Variants in SDK1 observed in about 807,000 individuals in gnomAD.
The protein encoded by SDK1 is protein sidekick-1.
In SDK1, 157 loss-of-function variants were observed where a neutral mutation model predicts 245.5. That is an observed-to-expected ratio of 0.64 (90% CI 0.56 to 0.73). SDK1 has a LOEUF of 0.73. Ranked by LOEUF, SDK1 falls within the 30% of genes least tolerant of loss-of-function variation. The probability of loss-of-function intolerance (pLI) is 0.00; values close to 1 mark genes in which losing one functional copy is unlikely to be tolerated. For missense variants in SDK1, 3,583 were observed against 3,002.3 expected, an observed-to-expected ratio of 1.19 and a Z score of -4.52; for synonymous variants, 1,647 against 1,278.5, an observed-to-expected ratio of 1.29 and a Z score of -6.15.
intron 4 of SDK1, among the ~76,000 whole-genome samples, chr7:3,734,455 A>G (rs759135204): frequency 6.6e-6 from 1 of 152,170 alleles, no homozygotes; most frequent in Non-Finnish European, 1.5e-5. Flanking sequence ...CCACTTATAG[A>G]TGGTGTTAAG....
intron 1 of SDK1, among the ~76,000 whole-genome samples, chr7:3,452,946 C>G (rs1044985125): frequency 3.3e-5 from 5 of 152,106 alleles, no homozygotes; most frequent in African/African-American, 1.2e-4. Flanking sequence ...AATCAGTTAC[C>G]CTATTCCACC....
chr7:3,484,831 T>A lies in SDK1; in HGVS notation c.299-134249T>A, dbSNP rs1195439973. On this transcript the variant is annotated intron_variant, in intron 1 of 44. Coordinates refer to ENST00000404826, the MANE Select transcript of SDK1 (RefSeq NM_152744.4). ...AAACGTGTTGCTGCAAATGACAGCA[T>A]TTCATTTTTTCAGTGGCTGAATAGT... Among the ~76,000 whole-genome samples, 3 of 152,214 alleles carry A rather than the reference T, an allele frequency of 2.0e-5. No individual in the cohort carries two copies. In the East Asian group the frequency reaches 5.8e-4, roughly 29 times the overall value.
chr7:3,950,221 C>T (rs1028431754), intron 5 of SDK1, among the ~76,000 whole-genome samples: 4 of 152,194 alleles, frequency 2.6e-5, no homozygotes, highest in Non-Finnish European at 5.9e-5. Flanking sequence ...TGCTTGGACC[C>T]CATCTCATGT....
intron 1 of SDK1, among the ~76,000 whole-genome samples, chr7:3,500,577 TTC>T (rs1234839949): frequency 6.6e-6 from 1 of 152,204 alleles, no homozygotes; most frequent in Non-Finnish European, 1.5e-5. Flanking sequence ...TTGTAAGAAT[TTC>T]TGTTTTCTCC....
chr7:4,247,242 G>A (rs1786935060), intron 44 of SDK1, among the ~76,000 whole-genome samples: 1 of 152,180 alleles, frequency 6.6e-6, no homozygotes, highest in African/African-American at 2.4e-5. Context: ...TCAACTGTGG[G>A]TTGTAGATGA....
At chr7:3,593,973 G>C in intron 1 of SDK1, among the ~76,000 whole-genome samples, 1 of 152,102 alleles carries the variant, frequency 6.6e-6, no homozygotes, top group East Asian at 1.9e-4. Flanking sequence ...TACAGCCATA[G>C]GGTTCACCAT....
At chr7:3,420,545 C>G (rs1779507410) in intron 1 of SDK1, among the ~76,000 whole-genome samples, 1 of 152,094 alleles carries the variant, frequency 6.6e-6, no homozygotes, top group Non-Finnish European at 1.5e-5. Context: ...AGTAGTCGTG[C>G]TAATCTTTTA....
intron 13 of SDK1, among the ~76,000 whole-genome samples, chr7:3,986,677 GGT>G (rs1159127407): frequency 1.1e-4 from 16 of 152,112 alleles, no homozygotes; most frequent in East Asian, 7.7e-4. Flanking sequence ...TGGCCAAGAT[GGT>G]GTGAAACCCC....
At chr7:4,163,669 A>G (rs527622027) in intron 32 of SDK1, among the ~76,000 whole-genome samples, 10 of 152,228 alleles carry the variant, frequency 6.6e-5, no homozygotes, top group Admixed American at 5.9e-4. Flanking sequence ...CGGGAGAGAG[A>G]CGTGCTGAGT....
intron 1 of SDK1, among the ~76,000 whole-genome samples, chr7:3,562,647 T>C (rs759213731): frequency 3.9e-5 from 6 of 152,238 alleles, no homozygotes; most frequent in African/African-American, 1.4e-4. Flanking sequence ...TTCTAAGTTA[T>C]GATAAAGTAT....
chr7:3,423,867 TC>T (rs1779600446), intron 1 of SDK1, among the ~76,000 whole-genome samples: 2 of 152,198 alleles, frequency 1.3e-5, no homozygotes, highest in African/African-American at 2.4e-5. Context: ...ATTTGTTTTT[TC>T]CTCTAAATGT....
In SDK1 at chr7:3,559,440, C is replaced by T. The variant is rs545935894; in HGVS notation, c.299-59640C>T. Among the ~76,000 whole-genome samples the T allele has an allele frequency of 2.6e-5, 4 of 152,180 alleles. No individual in the cohort carries two copies. The East Asian group carries it at 7.7e-4, about 29-fold the overall frequency. On this transcript the variant is annotated intron_variant, in intron 1 of 44. Coordinates refer to ENST00000404826, the MANE Select transcript of SDK1 (RefSeq NM_152744.4). The stretch of plus-strand genomic sequence containing the variant: ...TCTCTGCCAGTGAACTTTTATGTTT[C>T]TTTTGCCAGAAAATGGAGAAAGATG...
chr7:4,084,562 C>G (rs1478784051), intron 22 of SDK1, among the ~76,000 whole-genome samples: 5 of 152,168 alleles, frequency 3.3e-5, no homozygotes, highest in Admixed American at 6.5e-5. Flanking sequence ...CAGCTGGTCC[C>G]TGCTTCGACA....
chr7:4,091,431 C>G (rs933721896), intron 22 of SDK1, among the ~76,000 whole-genome samples: 14 of 150,630 alleles, frequency 9.3e-5, no homozygotes, highest in African/African-American at 3.4e-4. Flanking sequence ...CAACCTCCAC[C>G]TCCCAGGTTC....
intron 30 of SDK1, among the ~76,000 whole-genome samples, chr7:4,152,328 C>G (rs1780440164): frequency 6.6e-6 from 1 of 152,198 alleles, no homozygotes; most frequent in Non-Finnish European, 1.5e-5. Context: ...CTCCCAGAGC[C>G]CTGGAATTCT....
At chr7:4,124,557 T>G (rs1363411127) in intron 25 of SDK1, among the ~76,000 whole-genome samples, 1 of 152,176 alleles carries the variant, frequency 6.6e-6, no homozygotes, top group Non-Finnish European at 1.5e-5. Context: ...TCTTAACGAG[T>G]TACATCTGCA....
intron 35 of SDK1, among the ~76,000 whole-genome samples, chr7:4,203,251 G>A (rs925482947): frequency 6.6e-6 from 1 of 152,188 alleles, no homozygotes; most frequent in African/African-American, 2.4e-5. Context: ...TGTCAGGTGA[G>A]GGTCCCTCCA....
At chr7:3,362,352 A>T (rs1053571290) in intron 1 of SDK1, among the ~76,000 whole-genome samples, 8 of 152,166 alleles carry the variant, frequency 5.3e-5, no homozygotes, top group African/African-American at 1.9e-4. Context: ...GATTTATCTA[A>T]CACCTGTTTG....
At chr7:3,367,729 G>C (rs1287366344) in intron 1 of SDK1, among the ~76,000 whole-genome samples, 2 of 152,170 alleles carry the variant, frequency 1.3e-5, no homozygotes, top group Non-Finnish European at 2.9e-5. Context: ...CTCTTAGTTT[G>C]AGTTACTCAA....
Sources: allele counts gnomAD v4.1 joint callset (sites outside exome capture counted in the v4.1 genomes callset), GRCh38; gene constraint gnomAD v4.1.1; transcripts MANE v1.5; gene names NCBI Gene and HGNC (gene_info 2026-07-23, HGNC 2026-07-21).